CNTNAP2: variants seen among roughly 807,000 people sequenced by gnomAD.
CNTNAP2 encodes the protein contactin associated protein 2.
Under a neutral mutation model 155.2 loss-of-function variants are expected in CNTNAP2, and 98 were observed. The ratio of observed to expected loss-of-function variants is 0.63; its 90% CI spans 0.54 to 0.75. CNTNAP2 has a LOEUF of 0.75. Ranked by LOEUF, CNTNAP2 falls within the 30% of genes least tolerant of loss-of-function variation. The probability of loss-of-function intolerance (pLI) is 0.00; values close to 1 mark genes in which losing one functional copy is unlikely to be tolerated. For synonymous variants in CNTNAP2, 651 were observed against 631.2 expected, an observed-to-expected ratio of 1.03 and a Z score of -0.47; for missense variants, 1,727 against 1,688.1, an observed-to-expected ratio of 1.02 and a Z score of -0.40.
chr7:147,165,177 T>TTTC (rs1220539860), intron 8 of CNTNAP2, among the ~76,000 whole-genome samples: 1 of 152,070 alleles, frequency 6.6e-6, no homozygotes, highest in Non-Finnish European at 1.5e-5. Context: ...GATTTTTTTT[T>TTTC]CTTTATGGCC....
At chr7:146,394,781 T>C (rs1210522266) in intron 1 of CNTNAP2, among the ~76,000 whole-genome samples, 58 of 152,142 alleles carry the variant, frequency 3.8e-4, no homozygotes, top group Admixed American at 3.8e-3. Flanking sequence ...GAGGTACAAG[T>C]ACAGTTTTGT....
chr7:146,945,782 TA>T (rs1344918748), intron 3 of CNTNAP2, among the ~76,000 whole-genome samples: 1 of 152,206 alleles, frequency 6.6e-6, no homozygotes, highest in Non-Finnish European at 1.5e-5. Flanking sequence ...GTTGGAAATG[TA>T]AGAAAATGTA....
chr7:147,786,713 A>G (rs1797745471), intron 13 of CNTNAP2, among the ~76,000 whole-genome samples: 1 of 152,156 alleles, frequency 6.6e-6, no homozygotes, highest in Non-Finnish European at 1.5e-5. Context: ...CATGCCTGTA[A>G]TCACAACACT....
chr7:148,112,316 C>A (rs1490533503), intron 15 of CNTNAP2, among the ~76,000 whole-genome samples: 1 of 151,626 alleles, frequency 6.6e-6, no homozygotes, highest in Non-Finnish European at 1.5e-5. Context: ...CAACAAAATG[C>A]AAGAAAATAC....
At chr7:148,103,540 C>T (rs1341083871) in intron 15 of CNTNAP2, among the ~76,000 whole-genome samples, 1 of 152,090 alleles carries the variant, frequency 6.6e-6, no homozygotes, top group Non-Finnish European at 1.5e-5. Flanking sequence ...TTAATATAGA[C>T]TCATATATGT....
chr7:146,987,033 A>G (rs1384240365), intron 3 of CNTNAP2, among the ~76,000 whole-genome samples: 1 of 152,164 alleles, frequency 6.6e-6, no homozygotes, highest in Non-Finnish European at 1.5e-5. Flanking sequence ...AAATTCTGTC[A>G]GGTCTAATAT....
At chr7:148,191,255 GCT>G (rs140567836) in intron 18 of CNTNAP2, among the ~76,000 whole-genome samples, 4 of 148,158 alleles carry the variant, frequency 2.7e-5, no homozygotes, top group Non-Finnish European at 3.0e-5. Context: ...GTGCACTCTT[GCT>G]CTCTCTCTCT....
chr7:146,537,332 T>G (rs1423165620), intron 1 of CNTNAP2, among the ~76,000 whole-genome samples: 1 of 152,140 alleles, frequency 6.6e-6, no homozygotes, highest in Non-Finnish European at 1.5e-5. Flanking sequence ...AATTAATGCC[T>G]ATTTTAAAAC....
intron 18 of CNTNAP2, among the ~76,000 whole-genome samples, chr7:148,202,472 A>G (rs1249391289): frequency 6.6e-6 from 1 of 152,186 alleles, no homozygotes; most frequent in Non-Finnish European, 1.5e-5. Context: ...ATCCATCCAT[A>G]TAGAAAGCCT....
At chr7:147,521,314 C>T (rs566677316) in intron 11 of CNTNAP2, among the ~76,000 whole-genome samples, 29 of 152,276 alleles carry the variant, frequency 1.9e-4, no homozygotes, top group African/African-American at 6.7e-4. Context: ...ACCAAAGAAG[C>T]ATGACCCTTT....
chr7:146,715,764 A>G (rs567773229), intron 1 of CNTNAP2, among the ~76,000 whole-genome samples: 3 of 152,286 alleles, frequency 2.0e-5, no homozygotes, highest in East Asian at 1.9e-4. Flanking sequence ...ATTGTAGCCT[A>G]ATGAAGATTA....
chr7:147,376,043 G>A (rs1796427899), intron 9 of CNTNAP2, among the ~76,000 whole-genome samples: 1 of 152,010 alleles, frequency 6.6e-6, no homozygotes, highest in African/African-American at 2.4e-5. Context: ...TTGGGAAGAA[G>A]TATGATAATG....
chr7:148,249,098 G>A (rs767577094), intron 20 of CNTNAP2, among the ~76,000 whole-genome samples: 8 of 152,114 alleles, frequency 5.3e-5, no homozygotes, highest in East Asian at 1.9e-4. Flanking sequence ...GATTCTTTAC[G>A]TATTCTGGAT....
chr7:147,718,291 G>A (rs1287560448), intron 13 of CNTNAP2, among the ~76,000 whole-genome samples: 2 of 152,008 alleles, frequency 1.3e-5, no homozygotes, highest in Non-Finnish European at 2.9e-5. Context: ...ATAGTCATTT[G>A]TATGAGCACG....
chr7:146,860,305 C>G (rs56006809), intron 3 of CNTNAP2, among the ~76,000 whole-genome samples: 68,649 of 151,976 alleles, frequency 0.45, 16,331 homozygotes, highest in African/African-American at 0.6. Context: ...GAAGCTTGCA[C>G]ACCAGGGAGG....
intron 10 of CNTNAP2, among the ~76,000 whole-genome samples, chr7:147,404,708 T>C (rs1796975742): frequency 6.6e-6 from 1 of 152,182 alleles, no homozygotes; most frequent in African/African-American, 2.4e-5. Context: ...TGGTTTCTTT[T>C]AGAAGGGAGG....
chr7:148,133,694 T>C (rs1304238204), intron 16 of CNTNAP2: 1 of 152,040 alleles, frequency 6.6e-6, no homozygotes, highest in Non-Finnish European at 1.5e-5. Context: ...TAAGAGCTAG[T>C]CACATGTCTC....
In CNTNAP2 at chr7:146,226,969, A is replaced by C. The variant is rs546827330; in HGVS notation, c.97+109996A>C. On this transcript the variant is annotated intron_variant, in intron 1 of 23. Coordinates refer to ENST00000361727, the MANE Select transcript of CNTNAP2 (RefSeq NM_014141.6). ...AAAATAGTCATATCCATTGACTCTC[A>C]AATATTCTTATGAGTTATTTATACT... Among the ~76,000 whole-genome samples, 8 of 152,324 alleles carry C rather than the reference A, an allele frequency of 5.3e-5. No homozygotes were observed. In the South Asian group the frequency reaches 1.7e-3, roughly 32 times the overall value.
chr7:147,098,972 A>G (rs1273913242), intron 4 of CNTNAP2, among the ~76,000 whole-genome samples: 1 of 152,190 alleles, frequency 6.6e-6, no homozygotes, highest in African/African-American at 2.4e-5. Flanking sequence ...GTGGCAGGCC[A>G]TCCCACAGGG....
Sources: gnomAD v4.1 joint callset for allele counts (sites outside exome capture counted in the v4.1 genomes callset) on GRCh38, gnomAD v4.1.1 for gene constraint, MANE v1.5 for transcripts, NCBI Gene and HGNC (gene_info 2026-07-23, HGNC 2026-07-21) for gene names.